The following QSER1 variants were observed in gnomAD, a reference collection of about 807,000 sequenced individuals.
QSER1 encodes the protein glutamine and serine rich 1.
A neutral mutation model predicts 158.5 loss-of-function variants in QSER1; 49 were observed. The observed-to-expected ratio is 0.31, with a 90% confidence interval of 0.25 to 0.39. The LOEUF (loss-of-function observed/expected upper bound fraction) is 0.39. Ranked by LOEUF, QSER1 falls within the 10% of genes least tolerant of loss-of-function variation. QSER1 has a pLI of 1.00. For synonymous variants in QSER1, 650 were observed against 715.5 expected (o/e 0.91, Z 1.46); for missense variants, 1,754 against 2,010.3 (o/e 0.87, Z 2.44).
In QSER1 at chr11:32,977,401, A is replaced by G. The variant is rs1590193107; in HGVS notation, c.*927A>G. The stretch of plus-strand genomic sequence containing the variant: ...AGAATATGCATTCAGTACTAGAATT[A>G]GTTTAGCTTTATAAATAGGGCTGTG... On this transcript the variant is annotated 3_prime_UTR_variant, in exon 13 of 13. Coordinates refer to ENST00000650167, the MANE Select transcript of QSER1 (RefSeq NM_001076786.3). 1 of 152,758 alleles carries G rather than the reference A, an allele frequency of 6.5e-6. No individual in the cohort carries two copies. The highest frequency in any genetic ancestry group is 2.4e-5 in the African/African-American group (1 of 41,586). The allele number at this position is 152,758 out of a possible 1,614,324, so 9.5% of individuals were successfully genotyped here. A position where few individuals can be genotyped will look rare whatever the true frequency, so the allele number is the denominator to read the frequency against.
chr11:32,897,710 G>A (rs919572933), intron 1 of QSER1, among the ~76,000 whole-genome samples: 1 of 152,148 alleles, frequency 6.6e-6, no homozygotes, highest in Non-Finnish European at 1.5e-5. Context: ...GCCCATATTT[G>A]AGCAGACTCT....
chr11:32,935,151 C>G lies in QSER1; in HGVS notation c.3893C>G (p.Ala1298Gly), dbSNP rs1295547327. 8.7e-6 allele frequency: 14 copies of G among 1,613,962 alleles called. No homozygotes were observed. Among genetic ancestry groups the G allele is most frequent in the South Asian group, 7.7e-5 (7 of 91,090 alleles). The change falls in exon 4 of 13, where the codon GCT becomes GGT. Residue 1298 changes from alanine (A) to glycine (G), a missense_variant. Physicochemically the swap from Ala to Gly is moderately conservative, Grantham distance 60. Around this residue, in one of 2 missense-constraint regions of QSER1, gnomAD observed 1,707 missense variants for 1,919.6 expected, o/e 0.89. Transcript: ENST00000650167. ...SGPKQQFSTL[A>G]VRMPNRTRRP... The stretch of plus-strand genomic sequence containing the variant: ...CCCAAGCAGCAGTTTTCCACTCTTG[C>G]TGTACGAATGCCTAACAGGACTAGA...
chr11:32,927,430 T>C (rs541859789), intron 2 of QSER1, among the ~76,000 whole-genome samples, 161 bp downstream of exon 2: 14 of 152,288 alleles, frequency 9.2e-5, no homozygotes, highest in African/African-American at 3.4e-4. Flanking sequence ...ATTTTTGACA[T>C]GGAGTCTCGC....
At chr11:32,953,534 T>A (rs904988137) in intron 4 of QSER1, among the ~76,000 whole-genome samples, 3 of 151,970 alleles carry the variant, frequency 2.0e-5, no homozygotes, top group African/African-American at 7.3e-5. Context: ...TTTATTTTTT[T>A]AATAGGGCTG....
chr11:32,914,826 G>C (rs896115331), intron 1 of QSER1, among the ~76,000 whole-genome samples: 3 of 152,174 alleles, frequency 2.0e-5, no homozygotes, highest in Non-Finnish European at 4.4e-5. Context: ...AATTTTCTTT[G>C]TTATAGTGAA....
chr11:32,977,135 C>T lies in QSER1; in HGVS notation c.*661C>T, dbSNP rs1187191812. ...AACAATGACATACTATTTTCCCTAT[C>T]GCAAAGAAAAGTATTTTCGTTTATA... On this transcript the variant is annotated 3_prime_UTR_variant, in exon 13 of 13. Coordinates refer to ENST00000650167, the MANE Select transcript of QSER1 (RefSeq NM_001076786.3). The T allele has an allele frequency of 2.0e-5, 3 of 152,544 alleles. No individual in the cohort carries two copies. Among genetic ancestry groups the T allele is most frequent in the Admixed American group, 6.5e-5 (1 of 15,276 alleles). 9.4% of individuals were successfully genotyped at this position (152,544 alleles called of 1,614,324 possible). A position where few individuals can be genotyped will look rare whatever the true frequency, so the allele number is the denominator to read the frequency against.
intron 1 of QSER1, among the ~76,000 whole-genome samples, chr11:32,894,004 AAC>A (rs1403609885): frequency 7.2e-5 from 11 of 152,036 alleles, no homozygotes. Flanking sequence ...CCCTTTTAAC[AAC>A]AGCAGGAAGT....
chr11:32,948,195 G>T (rs1852366682), intron 4 of QSER1, among the ~76,000 whole-genome samples: 1 of 152,182 alleles, frequency 6.6e-6, no homozygotes, highest in African/African-American at 2.4e-5. Flanking sequence ...AATGGACAGT[G>T]GAGCACTGTA....
At chr11:32,943,184 G>A (rs1390306711) in intron 4 of QSER1, among the ~76,000 whole-genome samples, 1 of 152,260 alleles carries the variant, frequency 6.6e-6, no homozygotes, top group East Asian at 1.9e-4. Context: ...TGCAAACAGG[G>A]ACAATTTGAC....
At chr11:32,922,479 A>ATTTT (rs57185302) in intron 1 of QSER1, among the ~76,000 whole-genome samples, 8 of 97,152 alleles carry the variant, frequency 8.2e-5, no homozygotes, top group African/African-American at 2.3e-4. Context: ...AGAATGGCTA[A>ATTTT]TTTTTTTTTT....
chr11:32,955,225 C>T, intron 5 of QSER1, 71 bp from the exon 6 acceptor site: 1 of 810,298 alleles, frequency 1.2e-6, no homozygotes, highest in Non-Finnish European at 2.0e-6. Context: ...AGATTCCTTT[C>T]ATCTCTAATA....
chr11:32,904,373 G>C (rs944976569), intron 1 of QSER1, among the ~76,000 whole-genome samples: 2 of 151,812 alleles, frequency 1.3e-5, no homozygotes, highest in Non-Finnish European at 2.9e-5. Context: ...TGTATTTTTA[G>C]TAGAGACGAG....
intron 1 of QSER1, among the ~76,000 whole-genome samples, chr11:32,895,744 G>C (rs1590702430): frequency 6.6e-6 from 1 of 152,162 alleles, no homozygotes; most frequent in South Asian, 2.1e-4. Context: ...AGTTGTTGCC[G>C]ACAGGGATCT....
chr11:32,939,758 T>C (rs963275170), intron 4 of QSER1, among the ~76,000 whole-genome samples: 2 of 152,142 alleles, frequency 1.3e-5, no homozygotes, highest in Admixed American at 6.6e-5. Context: ...AGTTCAGATC[T>C]CAAAGCCTTT....
intron 1 of QSER1, among the ~76,000 whole-genome samples, chr11:32,912,594 G>A (rs115618423): frequency 0.017 from 2,586 of 152,064 alleles, 66 homozygotes; most frequent in African/African-American, 0.059. Context: ...AGGCGATGCT[G>A]ATGAGCATCG....
In QSER1 at chr11:32,953,945, A is replaced by G; in HGVS notation, c.4266A>G (p.Gln1422=). 1.2e-6 allele frequency: 2 copies of G among 1,614,222 alleles called. No individual in the cohort carries two copies. Among genetic ancestry groups the G allele is most frequent in the Non-Finnish European group, 8.5e-7 (1 of 1,180,036 alleles). ...TSSTTVGAVK[Q]EPLHSTSYAV... ...CAACCACTGTGGGTGCAGTTAAGCA[A>G]GAACCTCTCCACTCTACTTCATATG... Residue 1422 remains glutamine, a synonymous_variant, in exon 5 of 13, where the codon CAA becomes CAG. Coordinates refer to ENST00000650167, the MANE Select transcript of QSER1 (RefSeq NM_001076786.3).
At chr11:32,908,255 C>T (rs1013529928) in intron 1 of QSER1, among the ~76,000 whole-genome samples, 2 of 152,172 alleles carry the variant, frequency 1.3e-5, no homozygotes, top group South Asian at 4.1e-4. Flanking sequence ...TTGGAGTTGT[C>T]CAATCCAGGC....
intron 1 of QSER1, among the ~76,000 whole-genome samples, chr11:32,902,427 C>T (rs1328663699): frequency 2.0e-5 from 3 of 152,302 alleles, no homozygotes; most frequent in Non-Finnish European, 2.9e-5. Flanking sequence ...GATTCTTATG[C>T]TGCTTGTCCA....
chr11:32,901,216 CTT>C (rs561845696), intron 1 of QSER1, among the ~76,000 whole-genome samples: 15 of 152,140 alleles, frequency 9.9e-5, no homozygotes, highest in Non-Finnish European at 2.1e-4. Context: ...AATGGAAAAA[CTT>C]AGAAAAGTAT....
Sources: gnomAD v4.1 joint callset for allele counts (sites outside exome capture counted in the v4.1 genomes callset) on GRCh38, gnomAD v4.1.1 for gene constraint, gnomAD v4.1.1 regional missense constraint, MANE v1.5 for transcripts, NCBI Gene and HGNC (gene_info 2026-07-23, HGNC 2026-07-21) for gene names.